LOC128125817: variants seen among roughly 807,000 people sequenced by gnomAD.
the LOC128125817 span, among the ~76,000 whole-genome samples, chr1:41,625,113 A>AG: frequency 7.1e-6 from 1 of 139,896 alleles, no homozygotes; most frequent in African/African-American, 2.7e-5. Context: ...CAGTGAGCCA[A>AG]GATCATGCCA....
the LOC128125817 span, among the ~76,000 whole-genome samples, chr1:41,622,889 GC>G: frequency 2.0e-5 from 3 of 152,234 alleles, no homozygotes; most frequent in Non-Finnish European, 4.4e-5. Context: ...GTTGCTATGT[GC>G]CCACACTGGG....
chr1:41,622,180 C>T, the LOC128125817 span, among the ~76,000 whole-genome samples: 1 of 152,206 alleles, frequency 6.6e-6, no homozygotes, highest in Non-Finnish European at 1.5e-5. Context: ...GGCCGAATCC[C>T]TGCCTAGAGG....
At chr1:41,614,780 C>T in the LOC128125817 span, among the ~76,000 whole-genome samples, 1 of 152,192 alleles carries the variant, frequency 6.6e-6, no homozygotes, top group Non-Finnish European at 1.5e-5. Flanking sequence ...ATACAGCAGT[C>T]AGAGGAAGAA....
chr1:41,590,715 C>T, the LOC128125817 span, among the ~76,000 whole-genome samples: 1 of 152,276 alleles, frequency 6.6e-6, no homozygotes, highest in East Asian at 1.9e-4. Context: ...AAGGGTTTGC[C>T]AGAACCCAGG....
At chr1:41,610,848 G>T in the LOC128125817 span, among the ~76,000 whole-genome samples, 9 of 152,194 alleles carry the variant, frequency 5.9e-5, no homozygotes, top group African/African-American at 2.2e-4. Context: ...TACTGTTTGT[G>T]TGCCTGAGGG....
chr1:41,615,372 T>C, the LOC128125817 span, among the ~76,000 whole-genome samples: 1 of 152,222 alleles, frequency 6.6e-6, no homozygotes, highest in Admixed American at 6.5e-5. Context: ...CTGCCCCCCA[T>C]CTCCTCCACC....
the LOC128125817 span, among the ~76,000 whole-genome samples, chr1:41,617,630 T>C: frequency 3.3e-5 from 5 of 152,218 alleles, no homozygotes; most frequent in African/African-American, 1.2e-4. Flanking sequence ...GAGAGGGACA[T>C]TGACAGTGCA....
At chr1:41,603,997 C>G in the LOC128125817 span, among the ~76,000 whole-genome samples, 4 of 152,202 alleles carry the variant, frequency 2.6e-5, no homozygotes, top group Admixed American at 1.3e-4. Flanking sequence ...AACACATTCA[C>G]CATAACAGCT....
the LOC128125817 span, among the ~76,000 whole-genome samples, chr1:41,623,846 C>G: frequency 1.4e-4 from 21 of 152,196 alleles, no homozygotes; most frequent in Admixed American, 2.6e-4. Context: ...TTTTTCCTCC[C>G]CACTGCCTCA....
At chr1:41,614,751 T>C in the LOC128125817 span, among the ~76,000 whole-genome samples, 2 of 152,182 alleles carry the variant, frequency 1.3e-5, no homozygotes, top group Non-Finnish European at 1.5e-5. Flanking sequence ...GGTAGCTCTC[T>C]TGGGGCCATG....
chr1:41,625,225 G>A, the LOC128125817 span, among the ~76,000 whole-genome samples: 8 of 90,130 alleles, frequency 8.9e-5, no homozygotes, highest in East Asian at 3.0e-4. Context: ...CAAGCCAAAC[G>A]AAACAAGAAA....
the LOC128125817 span, among the ~76,000 whole-genome samples, chr1:41,616,479 G>A: frequency 4.5e-4 from 69 of 152,128 alleles, 1 homozygote; most frequent in Admixed American, 4.5e-3. Context: ...GGACTGCCAA[G>A]GACACTGACC....
the LOC128125817 span, among the ~76,000 whole-genome samples, chr1:41,597,933 T>C: frequency 6.6e-6 from 1 of 152,230 alleles, no homozygotes; most frequent in East Asian, 1.9e-4. Context: ...TACTAAGTTA[T>C]CTAATGTAAT....
At chr1:41,587,967 T>C in the LOC128125817 span, among the ~76,000 whole-genome samples, 3 of 152,118 alleles carry the variant, frequency 2.0e-5, no homozygotes, top group Admixed American at 2.0e-4. Context: ...ATCTGAACAA[T>C]AGAGTTGCCC....
the LOC128125817 span, among the ~76,000 whole-genome samples, chr1:41,616,442 C>G: frequency 6.6e-6 from 1 of 152,126 alleles, no homozygotes; most frequent in Non-Finnish European, 1.5e-5. Flanking sequence ...GAGGGACGCA[C>G]AGAGTCTCAG....
At chr1:41,593,215 A>C in the LOC128125817 span, among the ~76,000 whole-genome samples, 1 of 152,122 alleles carries the variant, frequency 6.6e-6, no homozygotes, top group Non-Finnish European at 1.5e-5. Context: ...CTTTCCCCTG[A>C]ATCTCCCTGT....
chr1:41,626,495 G>A, the LOC128125817 span, among the ~76,000 whole-genome samples: 5 of 152,176 alleles, frequency 3.3e-5, no homozygotes, highest in African/African-American at 4.8e-5. Flanking sequence ...GTCTGGGCAC[G>A]AAGCGGGGGG....
At chr1:41,620,580 T>G in the LOC128125817 span, among the ~76,000 whole-genome samples, 1 of 152,182 alleles carries the variant, frequency 6.6e-6, no homozygotes, top group Non-Finnish European at 1.5e-5. Flanking sequence ...TCACCTTGAC[T>G]TGGTAGCAGC....
At chr1:41,628,339 C>T in the LOC128125817 span, among the ~76,000 whole-genome samples, 12 of 152,182 alleles carry the variant, frequency 7.9e-5, no homozygotes, top group Non-Finnish European at 8.8e-5. Flanking sequence ...TGGTCTTCAG[C>T]AAGAACCATT....
Sources: allele counts gnomAD v4.1 joint callset (sites outside exome capture counted in the v4.1 genomes callset), GRCh38; gene constraint gnomAD v4.1.1; transcripts MANE v1.5.